ZNF512: variants seen among roughly 807,000 people sequenced by gnomAD.
ZNF512 encodes zinc finger protein 512.
In ZNF512, 25 loss-of-function variants were observed where a neutral mutation model predicts 77.5. The observed-to-expected ratio is 0.32, with a 90% confidence interval of 0.23 to 0.45. ZNF512 has a LOEUF of 0.45. Ranked by LOEUF, ZNF512 falls within the 20% of genes least tolerant of loss-of-function variation. The pLI is 1.00. For synonymous variants in ZNF512, 246 were observed against 239.9 expected, an observed-to-expected ratio of 1.03 and a Z score of -0.24; for missense variants, 483 against 692.6, an observed-to-expected ratio of 0.70 and a Z score of 3.40.
chr2:27,610,446 AATC>A (rs1383826912), intron 10 of ZNF512, among the ~76,000 whole-genome samples: 1 of 146,484 alleles, frequency 6.8e-6, no homozygotes, highest in Non-Finnish European at 1.5e-5. Flanking sequence ...GCTTTCCTAA[AATC>A]ATCAAATAGG....
intron 2 of ZNF512, among the ~76,000 whole-genome samples, chr2:27,589,280 A>T (rs1316675245): frequency 6.6e-6 from 1 of 152,170 alleles, no homozygotes; most frequent in Non-Finnish European, 1.5e-5. Context: ...AATTCAGTTT[A>T]TTTAATAGAT....
intron 5 of ZNF512, 23 bp from the exon 6 acceptor site, chr2:27,600,668 G>C (rs1672078668): frequency 6.2e-7 from 1 of 1,606,182 alleles, no homozygotes; most frequent in Admixed American, 1.7e-5. Flanking sequence ...AGATTACAAA[G>C]TGTTTCTTTC....
intron 7 of ZNF512, among the ~76,000 whole-genome samples, chr2:27,602,112 A>G (rs757228268): frequency 1.3e-5 from 2 of 152,128 alleles, no homozygotes; most frequent in African/African-American, 2.4e-5. Context: ...GTGAGTGTAG[A>G]TATCTCAGTG....
chr2:27,591,185 T>C (rs1482057648), intron 2 of ZNF512, among the ~76,000 whole-genome samples: 1 of 152,172 alleles, frequency 6.6e-6, no homozygotes, highest in African/African-American at 2.4e-5. Context: ...TATAGTTGCA[T>C]GGCACCACAC....
intron 9 of ZNF512, among the ~76,000 whole-genome samples, chr2:27,605,574 C>G (rs1672319421): frequency 6.6e-6 from 1 of 152,020 alleles, no homozygotes. Context: ...CTCCCGGGCT[C>G]AAGCCATCCT....
chr2:27,586,779 C>T (rs1169587446), intron 2 of ZNF512, among the ~76,000 whole-genome samples: 1 of 152,182 alleles, frequency 6.6e-6, no homozygotes, highest in African/African-American at 2.4e-5. Context: ...TCCTCCACTC[C>T]TGTCCACGGG....
rs985152342 is a variant in ZNF512, at chr2:27,617,433, A to T, written c.1297-40A>T. The T allele has an allele frequency of 9.6e-6, 8 of 832,420 alleles. No individual in the cohort carries two copies. In the African/African-American group the frequency reaches 1.3e-4, roughly 14 times the overall value. The allele number at this position is 832,420 out of a possible 1,614,324, so 51.6% of individuals were successfully genotyped here. On this transcript the variant is annotated intron_variant, in intron 12 of 13. Coordinates refer to ENST00000355467, the MANE Select transcript of ZNF512 (RefSeq NM_032434.4). ...ACACATAGCCCAGTTATGTTGCTGA[A>T]TTTACCAGTAATTCTTTTTTGTTTC...
At position 27,603,256 on chromosome 2, in the gene ZNF512, A is replaced by G. The variant is rs151312365; in HGVS notation, c.885A>G (p.Pro295=). The G allele has an allele frequency of 3.5e-5, 56 of 1,614,000 alleles. No individual in the cohort carries two copies. The highest frequency in any genetic ancestry group is 4.5e-5 in the East Asian group (2 of 44,892). ...TGAAATGTCACCACTGTGGAAAACC[A>G]TATAGGTCGAAGGCTGGACTTGCAT... ...MTLKCHHCGK[P]YRSKAGLAYH... is the part of the protein sequence containing the mutation. Residue 295 remains proline, a synonymous_variant, in exon 9 of 14, where the codon CCA becomes CCG. Transcript: ENST00000355467.
At position 27,599,926 on chromosome 2, in the gene ZNF512, A is replaced by C; in HGVS notation, c.374-44A>C. 2.5e-6 allele frequency: 4 copies of C among 1,608,648 alleles called. 1 individual carries two copies. In the South Asian group the frequency reaches 4.4e-5, roughly 18 times the overall value. ...AGGAGAGGGAAGAGATTTTGGTATT[A>C]GCAAGGGTGACATGCTGGGCTTCAA... is the stretch of plus-strand genomic sequence containing the variant. On this transcript the variant is annotated intron_variant, in intron 4 of 13. Transcript: ENST00000355467.
chr2:27,606,874 C>T (rs1478275747), intron 9 of ZNF512, among the ~76,000 whole-genome samples: 1 of 152,164 alleles, frequency 6.6e-6, no homozygotes, highest in African/African-American at 2.4e-5. Context: ...TTTCTAGACT[C>T]ATTCAGATTG....
intron 2 of ZNF512, among the ~76,000 whole-genome samples, chr2:27,595,196 G>T (rs1348694717): frequency 6.6e-6 from 1 of 152,080 alleles, no homozygotes; most frequent in Non-Finnish European, 1.5e-5. Context: ...CTCCCTCTGG[G>T]ATTACAACTA....
rs76270839 is a variant in ZNF512, at chr2:27,606,983, C to T, written c.937-862C>T. Among the ~76,000 whole-genome samples, 1,213 of 152,200 alleles carry T rather than the reference C, an allele frequency of 8.0e-3. 28 individuals are homozygous for T. The highest frequency in any genetic ancestry group is 0.028 in the African/African-American group (1,155 of 41,534). On this transcript the variant is annotated intron_variant, in intron 9 of 13. Transcript: ENST00000355467. ...CAAAGGCCACCTGCATTCCCTGGCT[C>T]ATGGCTGTCTTCAAGTCAGAGACAG... is the stretch of plus-strand genomic sequence containing the variant.
At chr2:27,595,779 T>G (rs1671840253) in intron 2 of ZNF512, among the ~76,000 whole-genome samples, 1 of 152,214 alleles carries the variant, frequency 6.6e-6, no homozygotes, top group African/African-American at 2.4e-5. Context: ...TGGTTTCTTT[T>G]TCTGCTGATG....
chr2:27,617,310 A>C (rs546441795), intron 12 of ZNF512, 163 bp from the exon 13 acceptor site: 1 of 588,976 alleles, frequency 1.7e-6, no homozygotes, highest in East Asian at 2.8e-5. Context: ...ATAATCATCC[A>C]TCCAAGCTGG....
At position 27,599,577 on chromosome 2, in the gene ZNF512, C is replaced by T. The variant is rs750286253; in HGVS notation, c.278-6C>T. On this transcript the variant is annotated splice_polypyrimidine_tract_variant and splice_region_variant and intron_variant, in intron 3 of 13. Transcript: ENST00000355467. ...GTTTTTGTTTTGTTTTTGTATGGTACTTCAGGGTCAGGTGGAGTATCAGCC... is the reference window on the plus strand; with the variant it reads ...GTTTTTGTTTTGTTTTTGTATGGTATTTCAGGGTCAGGTGGAGTATCAGCC... The T allele has an allele frequency of 6.2e-7, 1 of 1,613,046 alleles. No individual in the cohort carries two copies. The highest frequency in any genetic ancestry group is 1.7e-5 in the Admixed American group (1 of 59,976).
At chr2:27,603,361 C>T in intron 9 of ZNF512, 54 bp downstream of exon 9, 2 of 1,578,662 alleles carry the variant, frequency 1.3e-6, no homozygotes, top group Non-Finnish European at 1.7e-6. Flanking sequence ...CGTGGTGAGT[C>T]CTTACCCCTC....
intron 8 of ZNF512, among the ~76,000 whole-genome samples, chr2:27,602,853 T>C (rs1672180607): frequency 6.6e-6 from 1 of 152,072 alleles, no homozygotes; most frequent in African/African-American, 2.4e-5. Context: ...GTATTTGATA[T>C]TGGGATGGGG....
intron 10 of ZNF512, among the ~76,000 whole-genome samples, chr2:27,610,612 T>C (rs1410171034): frequency 8.5e-6 from 1 of 117,236 alleles, no homozygotes; most frequent in Non-Finnish European, 1.7e-5. Flanking sequence ...AGACAGCGTC[T>C]AGCTCTGTCA....
At chr2:27,586,324 G>A (rs773705969) in intron 2 of ZNF512, among the ~76,000 whole-genome samples, 2 of 152,024 alleles carry the variant, frequency 1.3e-5, no homozygotes, top group Non-Finnish European at 1.5e-5. Flanking sequence ...CCACCTCCTG[G>A]GTTCAAGCAA....
Sources: allele counts gnomAD v4.1 joint callset (sites outside exome capture counted in the v4.1 genomes callset), GRCh38; gene constraint gnomAD v4.1.1; transcripts MANE v1.5; gene names NCBI Gene and HGNC (gene_info 2026-07-23, HGNC 2026-07-21).